MAP2K2: variants seen among roughly 807,000 people sequenced by gnomAD.
MAP2K2 encodes mitogen-activated protein kinase kinase 2.
Under a neutral mutation model 43.7 loss-of-function variants are expected in MAP2K2, and 24 were observed. The observed-to-expected ratio is 0.55, with a 90% CI of 0.40 to 0.77. The LOEUF is 0.77. Among genes scored for constraint, MAP2K2 ranks in the 30% least tolerant of loss-of-function variants. The pLI, the probability that MAP2K2 is intolerant of heterozygous loss-of-function variation, is 0.00. For missense variants in MAP2K2, 470 were observed against 566.8 expected (o/e 0.83, Z 1.73); for synonymous variants, 244 against 239.7 (o/e 1.02, Z -0.17).
intron 3 of MAP2K2, among the ~76,000 whole-genome samples, chr19:4,107,085 C>A (rs2041092914): frequency 6.6e-6 from 1 of 152,208 alleles, no homozygotes; most frequent in African/African-American, 2.4e-5. Context: ...CAGTCACCAA[C>A]AAGTGCTTGC....
Position 4,102,364 on chromosome 19 carries a change from CGGTGGACTCACCGCGAT to C in MAP2K2, c.523_528+11del. 1.3e-6 allele frequency: 2 copies of C among 1,587,380 alleles called. No individual in the cohort carries two copies. Among genetic ancestry groups the C allele is most frequent in the Non-Finnish European group, 1.7e-6 (2 of 1,168,126 alleles). ...GCGGTGGGGGCGCGATGTGGGTCTG[CGGTGGACTCACCGCGAT>C]GCTGACTTTCCCCAGGATCTCCTCG... On this transcript the variant is annotated splice_donor_variant and splice_donor_5th_base_variant and coding_sequence_variant and intron_variant, in exon 4 of 11. Transcript: ENST00000262948. LOFTEE classifies it high-confidence loss of function.
intron 1 of MAP2K2, among the ~76,000 whole-genome samples, chr19:4,118,334 C>T (rs1336703959): frequency 6.6e-6 from 1 of 152,142 alleles, no homozygotes; most frequent in African/African-American, 2.4e-5. Context: ...AGATGTCTGT[C>T]TTTGCAGGAG....
intron 6 of MAP2K2, 22 bp downstream of exon 6, chr19:4,100,984 AGGAGAGCTGGAGG>A: frequency 1.9e-6 from 3 of 1,549,638 alleles, no homozygotes; most frequent in African/African-American, 1.4e-5. Flanking sequence ...AGCAGCAGGG[AGGAGAGCTGGAGG>A]GGAGAGCCAG....
chr19:4,123,896 G>GCGGCGGCGCCTCTAGC lies in MAP2K2; in HGVS notation c.-37_-22dup. 1 of 1,389,060 alleles carries GCGGCGGCGCCTCTAGC rather than the reference G, an allele frequency of 7.2e-7. No homozygotes were observed. The highest frequency in any genetic ancestry group is 9.4e-7 in the Non-Finnish European group (1 of 1,063,120). 86.0% of individuals were successfully genotyped at this position (1,389,060 alleles called of 1,614,324 possible). A position where few individuals can be genotyped will look rare whatever the true frequency, so the allele number is the denominator to read the frequency against. ...AGCATCGGGGCTCCGCGGGCCGGCG[G>GCGGCGGCGCCTCTAGC]CGGCGGCGCCTCTAGCCGGGGCCCA... On this transcript the variant is annotated 5_prime_UTR_variant, in exon 1 of 11. Transcript: ENST00000262948.
At chr19:4,095,201 T>C in intron 9 of MAP2K2, 187 bp downstream of exon 9, 2 of 592,418 alleles carry the variant, frequency 3.4e-6, no homozygotes, top group Non-Finnish European at 6.1e-6. Context: ...CAGGATGGCA[T>C]GGCAGCCGGG....
rs1314546244 is a variant in MAP2K2 at position 4,101,344 on chromosome 19, CG to C, written c.529-65del. ...CCAGGGCTTAGCTCCTGACCGAGCC[CG>C]GGGGTCAGAGCTGAGCAGTCAGAGC... On this transcript the variant is annotated intron_variant, in intron 4 of 10. Coordinates refer to ENST00000262948, the MANE Select transcript of MAP2K2 (RefSeq NM_030662.4). The surrounding 1 kb of genome is among the most constrained non-coding windows in gnomAD (Gnocchi z 6.3). The C allele has an allele frequency of 5.2e-6, 8 of 1,526,148 alleles. No homozygotes were observed. The highest frequency in any genetic ancestry group is 6.2e-6 in the Non-Finnish European group (7 of 1,124,992). The allele number at this position is 1,526,148 out of a possible 1,614,324, so 94.5% of individuals were successfully genotyped here. A position where few individuals can be genotyped will look rare whatever the true frequency, so the allele number is the denominator to read the frequency against.
rs189670310 is a variant in MAP2K2 at position 4,110,404 on chromosome 19, G to A, written c.450+105C>T. On this transcript the variant is annotated intron_variant, in intron 3 of 10. Transcript: ENST00000262948. Reference sequence around the variant, plus strand: ...TGAGAAGGATCCCCTGGAAGCCAGCGCACTGTTGCCTCTGAGGAAAGGGGC... The same window carrying A: ...TGAGAAGGATCCCCTGGAAGCCAGCACACTGTTGCCTCTGAGGAAAGGGGC... The A allele has an allele frequency of 4.2e-5, 59 of 1,392,446 alleles. No homozygotes were observed. The East Asian group carries it at 4.6e-4, about 11-fold the overall frequency. 86.3% of individuals were successfully genotyped at this position (1,392,446 alleles called of 1,614,324 possible).
At chr19:4,107,523 CAAAAAAAAAAAA>C (rs71166959) in intron 3 of MAP2K2, among the ~76,000 whole-genome samples, 2 of 59,320 alleles carry the variant, frequency 3.4e-5, no homozygotes, top group Non-Finnish European at 5.8e-5. Flanking sequence ...GACTCCGTCT[CAAAAAAAAAAAA>C]AAAAAAAAAA....
In MAP2K2 at chr19:4,110,595, G is replaced by A. The variant is rs2145070031; in HGVS notation, c.364C>T (p.Leu122=). 6.2e-7 allele frequency: 1 copy of A among 1,613,984 alleles called. No individual in the cohort carries two copies. Among genetic ancestry groups the A allele is most frequent in the Non-Finnish European group, 8.5e-7 (1 of 1,180,030 alleles). ...ATGTACGGCGAGTTGCATTCGTGCA[G>A]GACCTGCAGCTCGCGGATGATCTGG... is the stretch of plus-strand genomic sequence containing the variant. ...RNQIIRELQV[L]HECNSPYIVG... The change falls in exon 3 of 11, where the codon CTG becomes TTG. Residue 122 remains leucine (L), a synonymous_variant. Transcript: ENST00000262948.
At chr19:4,108,191 T>C (rs1453270361) in intron 3 of MAP2K2, among the ~76,000 whole-genome samples, 1 of 152,222 alleles carries the variant, frequency 6.6e-6, no homozygotes, top group Non-Finnish European at 1.5e-5. Context: ...GATGCTGCCC[T>C]GTCAGGGCTC....
chr19:4,094,743 G>A (rs1233839574), intron 9 of MAP2K2: 2 of 555,948 alleles, frequency 3.6e-6, no homozygotes, highest in Non-Finnish European at 6.5e-6. Context: ...GAAAGAGGGT[G>A]GGAAACCCCG....
intron 1 of MAP2K2, among the ~76,000 whole-genome samples, chr19:4,120,186 C>A (rs544433520): frequency 6.6e-6 from 1 of 152,144 alleles, no homozygotes; most frequent in Admixed American, 6.5e-5. Flanking sequence ...GAAACAGGGC[C>A]CTAGTAGGTG....
intron 3 of MAP2K2, among the ~76,000 whole-genome samples, chr19:4,109,156 G>A (rs1361191946): frequency 6.6e-6 from 1 of 152,266 alleles, no homozygotes; most frequent in Non-Finnish European, 1.5e-5. Flanking sequence ...CTGTGCGGCA[G>A]GCGGTCTGAT....
intron 7 of MAP2K2, among the ~76,000 whole-genome samples, chr19:4,098,499 T>C (rs1439488073): frequency 1.3e-5 from 2 of 152,098 alleles, no homozygotes; most frequent in Non-Finnish European, 2.9e-5. Flanking sequence ...CTCTCCCTGA[T>C]GTCTGACTTT....
intron 3 of MAP2K2, among the ~76,000 whole-genome samples, chr19:4,106,060 T>TAG (rs1196817051): frequency 6.6e-6 from 1 of 152,192 alleles, no homozygotes; most frequent in African/African-American, 2.4e-5. Flanking sequence ...CTCGACCTAC[T>TAG]GGGCTCATGG....
Position 4,101,210 on chromosome 19 carries a change from A to C in MAP2K2, c.580+19T>G. On this transcript the variant is annotated intron_variant, in intron 5 of 10. Transcript: ENST00000262948. The surrounding 1 kb of genome is among the most constrained non-coding windows in gnomAD (Gnocchi z 6.3). ...CCTGCCGGCCCCCGGGGCTCTGGGG[A>C]GGGCGGGCTGGGCCTTACCTCGGTG... is the stretch of plus-strand genomic sequence containing the variant. The C allele has an allele frequency of 3.6e-6, 3 of 843,500 alleles. No homozygotes were observed. Among genetic ancestry groups the C allele is most frequent in the Non-Finnish European group, 5.2e-6 (3 of 574,826 alleles). The allele number at this position is 843,500 out of a possible 1,614,324, so 52.3% of individuals were successfully genotyped here.
chr19:4,117,801 C>T (rs918029385), intron 1 of MAP2K2, among the ~76,000 whole-genome samples, 172 bp from the exon 2 acceptor site: 1 of 152,186 alleles, frequency 6.6e-6, no homozygotes, highest in Non-Finnish European at 1.5e-5. Flanking sequence ...ATAGACACAC[C>T]AATGACCAGA....
intron 6 of MAP2K2, chr19:4,100,636 C>T (rs957221615): frequency 1.3e-4 from 34 of 270,636 alleles, no homozygotes; most frequent in Non-Finnish European, 1.7e-4. Flanking sequence ...GGCAATACAG[C>T]GAGACCCCGT....
intron 2 of MAP2K2, among the ~76,000 whole-genome samples, chr19:4,114,470 G>A (rs919531763): frequency 1.3e-5 from 2 of 152,188 alleles, no homozygotes; most frequent in Non-Finnish European, 2.9e-5. Context: ...ACTCAGAGGC[G>A]AGAACAAACA....
Sources: allele counts gnomAD v4.1 joint callset (sites outside exome capture counted in the v4.1 genomes callset), GRCh38; gene constraint gnomAD v4.1.1; non-coding constraint Gnocchi (gnomAD v3.1); transcripts MANE v1.5; gene names NCBI Gene and HGNC (gene_info 2026-07-23, HGNC 2026-07-21).